The following RALYL variants were observed in gnomAD, a reference collection of about 807,000 sequenced individuals.
RALYL encodes RNA-binding Raly-like protein.
A neutral mutation model predicts 35.1 loss-of-function variants in RALYL; 29 were observed. The observed-to-expected ratio is 0.83, with a 90% CI of 0.61 to 1.13. RALYL has a LOEUF of 1.13. RALYL is among the 50% of genes most tolerant of loss of function. The probability of loss-of-function intolerance (pLI) is 0.00; values close to 1 mark genes in which losing one functional copy is unlikely to be tolerated. For synonymous variants in RALYL, 120 were observed against 127.6 expected, an observed-to-expected ratio of 0.94 and a Z score of 0.40; for missense variants, 359 against 360.4, an observed-to-expected ratio of 1.00 and a Z score of 0.03.
intron 3 of RALYL, among the ~76,000 whole-genome samples, chr8:84,776,488 A>G (rs971990815): frequency 2.6e-5 from 4 of 152,242 alleles, no homozygotes; most frequent in Admixed American, 2.6e-4. Context: ...TGATGTTATC[A>G]ACAAGAAGCA....
chr8:84,509,008 T>G (rs987124716), intron 1 of RALYL, among the ~76,000 whole-genome samples: 1 of 152,184 alleles, frequency 6.6e-6, no homozygotes, highest in African/African-American at 2.4e-5. Flanking sequence ...ATTTTTCTGC[T>G]TATACTTTTG....
chr8:84,200,512 A>G (rs1253198272), intron 1 of RALYL, among the ~76,000 whole-genome samples: 2 of 152,180 alleles, frequency 1.3e-5, no homozygotes, highest in African/African-American at 4.8e-5. Flanking sequence ...CATTTCCTTC[A>G]TGCAGTTTTT....
At chr8:84,637,715 G>T (rs1207088056) in intron 2 of RALYL, among the ~76,000 whole-genome samples, 1 of 151,794 alleles carries the variant, frequency 6.6e-6, no homozygotes, top group Non-Finnish European at 1.5e-5. Context: ...CCGGGAGTGT[G>T]GACTGGGATT....
chr8:84,388,418 A>G (rs1859773685), intron 1 of RALYL, among the ~76,000 whole-genome samples: 1 of 152,152 alleles, frequency 6.6e-6, no homozygotes, highest in Admixed American at 6.6e-5. Flanking sequence ...GAATCGCCAC[A>G]CTGACTTCCA....
At chr8:84,215,719 T>C (rs1820651105) in intron 1 of RALYL, among the ~76,000 whole-genome samples, 1 of 152,052 alleles carries the variant, frequency 6.6e-6, no homozygotes, top group South Asian at 2.1e-4. Flanking sequence ...AATTCGGAGG[T>C]TTGGTTGGCT....
At chr8:84,791,571 T>C (rs1203826250) in intron 3 of RALYL, among the ~76,000 whole-genome samples, 2 of 152,038 alleles carry the variant, frequency 1.3e-5, no homozygotes, top group Admixed American at 6.5e-5. Flanking sequence ...TGACAATGGA[T>C]TGTGGAGTGT....
In RALYL at chr8:84,643,469, A is replaced by T. The variant is rs1427428679; in HGVS notation, c.256+113892A>T. Among the ~76,000 whole-genome samples the T allele has an allele frequency of 2.0e-5, 3 of 152,040 alleles. 1 individual carries two copies. The highest frequency in any genetic ancestry group is 4.4e-5 in the Non-Finnish European group (3 of 67,956). On this transcript the variant is annotated intron_variant, in intron 2 of 8. Coordinates refer to ENST00000521268, the MANE Select transcript of RALYL (RefSeq NM_173848.7). ...GCACTGCAGCAGGAAGAGAAAGAGG[A>T]TCCACAAGACAAAAGCATCTTGGCA... is the stretch of plus-strand genomic sequence containing the variant.
chr8:84,418,107 G>T (rs556330900), intron 1 of RALYL, among the ~76,000 whole-genome samples: 2 of 152,224 alleles, frequency 1.3e-5, no homozygotes, highest in South Asian at 4.1e-4. Flanking sequence ...TCTGATTTAA[G>T]TTCCTAAGTA....
intron 1 of RALYL, among the ~76,000 whole-genome samples, chr8:84,423,001 G>C (rs1438927825): frequency 1.3e-5 from 2 of 148,478 alleles, no homozygotes; most frequent in African/African-American, 5.0e-5. Context: ...GGTGTGGTGT[G>C]GTGCTGAAAA....
intron 1 of RALYL, among the ~76,000 whole-genome samples, chr8:84,426,518 T>G (rs1330235053): frequency 6.6e-6 from 1 of 150,554 alleles, no homozygotes; most frequent in African/African-American, 2.4e-5. Context: ...ATACTTTCCT[T>G]TCTATGTCTG....
chr8:84,528,623 T>A (rs1196119726), intron 1 of RALYL, among the ~76,000 whole-genome samples: 2 of 152,122 alleles, frequency 1.3e-5, no homozygotes, highest in African/African-American at 4.8e-5. Flanking sequence ...GGCTCTTATG[T>A]TTTGTTTTGT....
At chr8:84,194,788 A>G (rs1814808163) in intron 1 of RALYL, among the ~76,000 whole-genome samples, 1 of 152,150 alleles carries the variant, frequency 6.6e-6, no homozygotes, top group Non-Finnish European at 1.5e-5. Flanking sequence ...CAACACTAGG[A>G]GAGTATATTA....
intron 2 of RALYL, among the ~76,000 whole-genome samples, chr8:84,642,207 T>A (rs2131383832): frequency 6.6e-6 from 1 of 152,160 alleles, no homozygotes; most frequent in South Asian, 2.1e-4. Context: ...ACAAACTCAT[T>A]GACTTATAAA....
chr8:84,755,684 T>A (rs571585723), intron 2 of RALYL, among the ~76,000 whole-genome samples: 2 of 152,126 alleles, frequency 1.3e-5, no homozygotes, highest in South Asian at 4.1e-4. Context: ...TGTTTCTTAA[T>A]ATTTAATCAT....
intron 1 of RALYL, among the ~76,000 whole-genome samples, chr8:84,191,952 A>G (rs527823330): frequency 6.6e-6 from 1 of 151,334 alleles, no homozygotes; most frequent in Non-Finnish European, 1.5e-5. Context: ...GATGATCAAC[A>G]AGTGATAAAA....
At chr8:84,552,338 G>GTA (rs779399854) in intron 2 of RALYL, among the ~76,000 whole-genome samples, 4,672 of 73,518 alleles carry the variant, frequency 0.064, 390 homozygotes, top group Middle Eastern at 0.12. Context: ...GGATGTGTGT[G>GTA]TATATATATA....
intron 1 of RALYL, among the ~76,000 whole-genome samples, chr8:84,507,825 G>A (rs2057301999): frequency 6.6e-6 from 1 of 152,126 alleles, no homozygotes; most frequent in Non-Finnish European, 1.5e-5. Flanking sequence ...AGGTCCTGAG[G>A]ACAGTACATT....
intron 2 of RALYL, among the ~76,000 whole-genome samples, chr8:84,613,462 A>C (rs1354056582): frequency 6.6e-6 from 1 of 151,518 alleles, no homozygotes; most frequent in Non-Finnish European, 1.5e-5. Context: ...AAAATGTGCA[A>C]GACACTGACA....
intron 3 of RALYL, among the ~76,000 whole-genome samples, chr8:84,799,493 T>C (rs1455723285): frequency 6.6e-6 from 1 of 152,126 alleles, no homozygotes; most frequent in Non-Finnish European, 1.5e-5. Flanking sequence ...ACTGTGAAAA[T>C]AAGAATTGAG....
Sources: gnomAD v4.1 joint callset for allele counts (sites outside exome capture counted in the v4.1 genomes callset) on GRCh38, gnomAD v4.1.1 for gene constraint, MANE v1.5 for transcripts, NCBI Gene and HGNC (gene_info 2026-07-23, HGNC 2026-07-21) for gene names.